The following NFAM1 variants were observed in gnomAD, a reference collection of about 807,000 sequenced individuals.
NFAM1 encodes NFAT activating protein with ITAM motif 1.
A neutral mutation model predicts 29.0 loss-of-function variants in NFAM1; 17 were observed. The ratio of observed to expected loss-of-function variants is 0.59; its 90% confidence interval spans 0.40 to 0.88. NFAM1 has a LOEUF of 0.88. Ranked by LOEUF, NFAM1 falls within the 40% of genes least tolerant of loss-of-function variation. The probability of loss-of-function intolerance (pLI) is 0.00; values close to 1 mark genes in which losing one functional copy is unlikely to be tolerated. For synonymous variants in NFAM1, 175 were observed against 147.2 expected (o/e 1.19, Z -1.36); for missense variants, 324 against 344.6 (o/e 0.94, Z 0.47).
At position 42,388,752 on chromosome 22, in the gene NFAM1, A is replaced by G. The variant is rs1433550756; in HGVS notation, c.664-1674T>C. On this transcript the variant is annotated intron_variant, in intron 4 of 5. Coordinates refer to ENST00000329021, the MANE Select transcript of NFAM1 (RefSeq NM_145912.8). This position sits in a 1 kb window ranked among gnomAD's most constrained non-coding sequence, Gnocchi z 4.1. Reference sequence around the variant, plus strand: ...GAGACCCTCACTTCAAGGGCATCAGACATGGGGATGGTGGGGCGGCCCTGA... The same window carrying G: ...GAGACCCTCACTTCAAGGGCATCAGGCATGGGGATGGTGGGGCGGCCCTGA... 1.3e-5 allele frequency among the ~76,000 whole-genome samples: 2 copies of G among 152,186 alleles called. No homozygotes were observed. Among genetic ancestry groups the G allele is most frequent in the African/African-American group, 4.8e-5 (2 of 41,442 alleles).
intron 4 of NFAM1, among the ~76,000 whole-genome samples, chr22:42,392,340 C>T (rs1929372755): frequency 1.3e-5 from 2 of 151,988 alleles, no homozygotes; most frequent in South Asian, 2.1e-4. Flanking sequence ...TGTCAGATGC[C>T]GTTGATTCAT....
intron 3 of NFAM1, among the ~76,000 whole-genome samples, chr22:42,402,322 T>G (rs1329342680): frequency 6.6e-6 from 1 of 152,098 alleles, no homozygotes; most frequent in Non-Finnish European, 1.5e-5. Context: ...TCTGGACGCA[T>G]GAGGTGGCGG....
upstream of NFAM1, among the ~76,000 whole-genome samples, chr22:42,435,517 T>C (rs1038618225): frequency 5.9e-5 from 9 of 151,844 alleles, no homozygotes; most frequent in African/African-American, 2.2e-4. Context: ...CCGGCTAATT[T>C]TGTATTTTTA....
At chr22:42,400,667 C>G (rs956514816) in intron 3 of NFAM1, among the ~76,000 whole-genome samples, 5 of 152,162 alleles carry the variant, frequency 3.3e-5, no homozygotes, top group Admixed American at 3.3e-4. Context: ...GCTTGTCCAG[C>G]TGGTAAAAGG....
intron 3 of NFAM1, among the ~76,000 whole-genome samples, chr22:42,400,084 C>T (rs368687428): frequency 7.9e-5 from 12 of 152,270 alleles, no homozygotes; most frequent in East Asian, 7.7e-4. Flanking sequence ...GCCGAGGCCA[C>T]GCAGCCAGGA....
rs756325090 is a variant in NFAM1, at chr22:42,419,696, C to A, written c.122-7960G>T. 5.3e-5 allele frequency among the ~76,000 whole-genome samples: 8 copies of A among 152,182 alleles called. No homozygotes were observed. The highest frequency in any genetic ancestry group is 1.0e-4 in the Non-Finnish European group (7 of 68,042). ...CTTCGCCCGTGCTGTTCCGGCTGTGCGGAATGTCCTACCCATTCCTTCCTC... is the reference window on the plus strand; with the variant it reads ...CTTCGCCCGTGCTGTTCCGGCTGTGAGGAATGTCCTACCCATTCCTTCCTC... On this transcript the variant is annotated intron_variant, in intron 1 of 5. Coordinates refer to ENST00000329021, the MANE Select transcript of NFAM1 (RefSeq NM_145912.8). The surrounding 1 kb of genome is among the most constrained non-coding windows in gnomAD (Gnocchi z 4.5).
At position 42,409,539 on chromosome 22, in the gene NFAM1, A is replaced by G; in HGVS notation, c.460T>C (p.Tyr154His). 8 of 1,514,856 alleles carry G rather than the reference A, an allele frequency of 5.3e-6. No homozygotes were observed. The highest frequency in any genetic ancestry group is 7.1e-6 in the Non-Finnish European group (8 of 1,129,114). The allele number at this position is 1,514,856 out of a possible 1,614,324, so 93.8% of individuals were successfully genotyped here. The change falls in exon 3 of 6, where the codon TAC becomes CAC. Residue 154 changes from tyrosine (Y) to histidine (H), a missense_variant. Physicochemically the swap from Tyr to His is moderately conservative, Grantham distance 83. Coordinates refer to ENST00000329021, the MANE Select transcript of NFAM1 (RefSeq NM_145912.8). The surrounding 1 kb of genome is among the most constrained non-coding windows in gnomAD (Gnocchi z 4.9). ...TGTGGACTCTGCGGGGGCTCTCGGT[A>G]CCCTGCGTCTAGGAGGAAGCGCAGG... Reference protein sequence around the residue: ...GTFILVRDAGYREPPQSPQKL... With the variant: ...GTFILVRDAGHREPPQSPQKL...
intron 1 of NFAM1, among the ~76,000 whole-genome samples, chr22:42,418,877 C>T (rs1005934351): frequency 3.9e-5 from 6 of 152,136 alleles, no homozygotes; most frequent in Non-Finnish European, 8.8e-5. Context: ...GAAGGCCCCT[C>T]AGGGGTGTGG....
Position 42,411,611 on chromosome 22 carries a change from A to C in NFAM1, c.247T>G (p.Phe83Val). The change falls in exon 2 of 6, where the codon TTT (phenylalanine) becomes GTT (valine). Residue 83 changes from phenylalanine (F) to valine (V), a missense_variant. By Grantham distance (50) the Phe-to-Val change is conservative (BLOSUM62 -1). Transcript: ENST00000329021. ...PQFKVFTVSY[F>V]HEDLQGQRSP... is the part of the protein sequence containing the mutation. ...CTCTGTCCCTGGAGATCTTCATGAA[A>C]GTAGCTGACTGTGAAAACCTTGAAT... 1 of 1,614,208 alleles carries C rather than the reference A, an allele frequency of 6.2e-7. No individual in the cohort carries two copies. Among genetic ancestry groups the C allele is most frequent in the Non-Finnish European group, 8.5e-7 (1 of 1,180,026 alleles).
chr22:42,430,086 GTC>G lies in NFAM1; in HGVS notation c.121+2149_121+2150del, dbSNP rs375394724. On this transcript the variant is annotated intron_variant, in intron 1 of 5. Transcript: ENST00000329021. ...GAGACCAGCCTGGGCAACACTGTGA[GTC>G]TCTATCTCTACGAAAAAATTTAAAA... 7.1e-4 allele frequency among the ~76,000 whole-genome samples: 107 copies of G among 150,786 alleles called. No homozygotes were observed. In the Middle Eastern group the frequency reaches 0.01, roughly 14 times the overall value.
intron 1 of NFAM1, among the ~76,000 whole-genome samples, chr22:42,416,941 G>C (rs530604275): frequency 6.6e-6 from 1 of 152,198 alleles, no homozygotes; most frequent in Admixed American, 6.5e-5. Context: ...ACCAGACGCC[G>C]GGGGCTGAGG....
At chr22:42,394,697 C>A (rs35125472) in intron 4 of NFAM1, among the ~76,000 whole-genome samples, 25,241 of 152,048 alleles carry the variant, frequency 0.17, 2,247 homozygotes, top group African/African-American at 0.21. Flanking sequence ...AGAAGGAAGA[C>A]TATATTTTAA....
At position 42,409,326 on chromosome 22, in the gene NFAM1, T is replaced by C; in HGVS notation, c.564+109A>G. On this transcript the variant is annotated intron_variant, in intron 3 of 5. Coordinates refer to ENST00000329021, the MANE Select transcript of NFAM1 (RefSeq NM_145912.8). The surrounding 1 kb of genome is among the most constrained non-coding windows in gnomAD (Gnocchi z 4.9). ...GGCCACGAGGGCCACCTGTTACAGA[T>C]GTGGATGTGCCCTCACCAGGGCCCA... 1.9e-6 allele frequency: 1 copy of C among 527,138 alleles called. No homozygotes were observed. The highest frequency in any genetic ancestry group is 3.4e-6 in the Non-Finnish European group (1 of 295,928). The allele number at this position is 527,138 out of a possible 1,614,324, so 32.7% of individuals were successfully genotyped here.
At position 42,388,100 on chromosome 22, in the gene NFAM1, G is replaced by C. The variant is rs968019766; in HGVS notation, c.664-1022C>G. On this transcript the variant is annotated intron_variant, in intron 4 of 5. Coordinates refer to ENST00000329021, the MANE Select transcript of NFAM1 (RefSeq NM_145912.8). This position sits in a 1 kb window ranked among gnomAD's most constrained non-coding sequence, Gnocchi z 4.1. ...TTCCCCGTCACTCGGGTGTGTCCTA[G>C]GCCCACTCACTCTTGGCCCAGCTAA... Among the ~76,000 whole-genome samples, 4 of 152,192 alleles carry C rather than the reference G, an allele frequency of 2.6e-5. No homozygotes were observed. The highest frequency in any genetic ancestry group is 4.8e-5 in the African/African-American group (2 of 41,444).
chr22:42,434,466 T>C (rs889365213), upstream of NFAM1, among the ~76,000 whole-genome samples: 6 of 152,110 alleles, frequency 3.9e-5, no homozygotes, highest in African/African-American at 2.4e-5. Flanking sequence ...TCCCAGCTCA[T>C]TGCCCAGTTT....
intron 1 of NFAM1, among the ~76,000 whole-genome samples, chr22:42,431,383 T>C (rs1601766545): frequency 6.6e-6 from 1 of 152,068 alleles, no homozygotes; most frequent in African/African-American, 2.4e-5. Flanking sequence ...ACTAAGAGAA[T>C]AGAAAGGAAG....
upstream of NFAM1, among the ~76,000 whole-genome samples, chr22:42,433,394 CAA>C (rs1180047375): frequency 6.6e-6 from 1 of 152,198 alleles, no homozygotes; most frequent in Non-Finnish European, 1.5e-5. Flanking sequence ...CCCAGTTGTA[CAA>C]AAGAGAAGAC....
chr22:42,402,853 T>TTTTTTTTG (rs1929770055), intron 3 of NFAM1, among the ~76,000 whole-genome samples: 1 of 148,368 alleles, frequency 6.7e-6, no homozygotes, highest in South Asian at 2.2e-4. Context: ...TTTTTTTTTT[T>TTTTTTTTG]GAGATGGAGT....
At chr22:42,420,024 T>C (rs1601757768) in intron 1 of NFAM1, among the ~76,000 whole-genome samples, 3 of 94,858 alleles carry the variant, frequency 3.2e-5, no homozygotes, top group Admixed American at 2.8e-4. Context: ...TTTTTTTTTT[T>C]TTCTGAGGCA....
Sources: allele counts gnomAD v4.1 joint callset (sites outside exome capture counted in the v4.1 genomes callset), GRCh38; gene constraint gnomAD v4.1.1; non-coding constraint Gnocchi (gnomAD v3.1); transcripts MANE v1.5; gene names NCBI Gene and HGNC (gene_info 2026-07-23, HGNC 2026-07-21).